The following ELOVL7 variants were observed in gnomAD, a reference collection of about 807,000 sequenced individuals.
The protein encoded by ELOVL7 is ELOVL fatty acid elongase 7.
Under a neutral mutation model 35.7 loss-of-function variants are expected in ELOVL7, and 27 were observed. The observed-to-expected ratio is 0.76, with a 90% CI of 0.56 to 1.04. The LOEUF (loss-of-function observed/expected upper bound fraction) is 1.04, where lower values mean the gene tolerates loss of function less well. Among genes scored for constraint, ELOVL7 ranks in the 50% least tolerant of loss-of-function variants. The pLI is 0.00. For synonymous variants in ELOVL7, 113 were observed against 114.6 expected, an observed-to-expected ratio of 0.99 and a Z score of 0.09; for missense variants, 327 against 340.8, an observed-to-expected ratio of 0.96 and a Z score of 0.32.
chr5:60,823,540 C>A (rs970012074), intron 1 of ELOVL7, among the ~76,000 whole-genome samples: 1 of 152,098 alleles, frequency 6.6e-6, no homozygotes. Flanking sequence ...TAAATGGGGA[C>A]TAAAAATTAA....
At chr5:60,843,576 C>T (rs1747314433) in intron 1 of ELOVL7, 1 of 152,022 alleles carries the variant, frequency 6.6e-6, no homozygotes, top group Admixed American at 6.6e-5. Context: ...TTCATCTGGC[C>T]GCGGGAGCAA....
At chr5:60,771,594 T>C (rs1207636263) in intron 4 of ELOVL7, among the ~76,000 whole-genome samples, 1 of 152,246 alleles carries the variant, frequency 6.6e-6, no homozygotes, top group African/African-American at 2.4e-5. Flanking sequence ...CCAGCTATGT[T>C]ACTTTAAGAG....
chr5:60,780,998 T>C (rs893228581), intron 3 of ELOVL7, among the ~76,000 whole-genome samples: 2 of 152,058 alleles, frequency 1.3e-5, no homozygotes, highest in Non-Finnish European at 2.9e-5. Flanking sequence ...TCGCTTGAGG[T>C]CAGGAGTTTG....
intron 1 of ELOVL7, among the ~76,000 whole-genome samples, chr5:60,818,096 T>A (rs1745635740): frequency 6.6e-6 from 1 of 151,658 alleles, no homozygotes; most frequent in South Asian, 2.1e-4. Flanking sequence ...GGCAGGTGGA[T>A]CACTTGAGGT....
intron 2 of ELOVL7, among the ~76,000 whole-genome samples, chr5:60,798,842 C>T (rs779459861): frequency 2.0e-5 from 3 of 152,106 alleles, no homozygotes; most frequent in African/African-American, 7.2e-5. Context: ...TTGAAGTACG[C>T]GTTAGACTAA....
intron 7 of ELOVL7, among the ~76,000 whole-genome samples, chr5:60,761,190 C>T (rs193026017): frequency 8.3e-4 from 126 of 152,242 alleles, no homozygotes; most frequent in African/African-American, 2.5e-3. Flanking sequence ...AGTACCATCA[C>T]ATTTTACTCC....
intron 1 of ELOVL7, among the ~76,000 whole-genome samples, chr5:60,805,341 A>T (rs1744861617): frequency 6.6e-6 from 1 of 152,232 alleles, no homozygotes; most frequent in Admixed American, 6.5e-5. Context: ...TGTTACTACA[A>T]CTTGGTAACA....
chr5:60,825,732 C>G (rs545112921), intron 1 of ELOVL7, among the ~76,000 whole-genome samples: 23 of 152,266 alleles, frequency 1.5e-4, no homozygotes, highest in African/African-American at 5.3e-4. Context: ...AGAACTGGAA[C>G]ACAATGGAAC....
At chr5:60,808,924 G>A (rs977042747) in intron 1 of ELOVL7, among the ~76,000 whole-genome samples, 9 of 152,206 alleles carry the variant, frequency 5.9e-5, no homozygotes, top group African/African-American at 2.2e-4. Context: ...AAACTATAAA[G>A]TTGGAGAACA....
intron 3 of ELOVL7, among the ~76,000 whole-genome samples, chr5:60,782,806 G>A (rs1743342078): frequency 6.6e-6 from 1 of 152,174 alleles, no homozygotes; most frequent in Non-Finnish European, 1.5e-5. Flanking sequence ...TGGGGAAATA[G>A]GGAGATGTTG....
chr5:60,795,873 C>T (rs1316153430), intron 2 of ELOVL7, among the ~76,000 whole-genome samples: 2 of 152,160 alleles, frequency 1.3e-5, no homozygotes, highest in South Asian at 4.1e-4. Flanking sequence ...CCGCATGGCC[C>T]AAGGTTCCAT....
chr5:60,801,139 G>A (rs1220258460), intron 1 of ELOVL7, among the ~76,000 whole-genome samples: 1 of 151,878 alleles, frequency 6.6e-6, no homozygotes, highest in Admixed American at 6.6e-5. Flanking sequence ...TGTTGCCCGG[G>A]CTGGTCTCAA....
At chr5:60,790,369 T>C (rs1303021904) in intron 2 of ELOVL7, among the ~76,000 whole-genome samples, 1 of 152,212 alleles carries the variant, frequency 6.6e-6, no homozygotes, top group African/African-American at 2.4e-5. Flanking sequence ...TTTACCTATC[T>C]AAAAATAAAG....
At chr5:60,756,638 A>G (rs1367737952) in intron 8 of ELOVL7, among the ~76,000 whole-genome samples, 1 of 152,194 alleles carries the variant, frequency 6.6e-6, no homozygotes, top group Non-Finnish European at 1.5e-5. Context: ...CCATTAAAAT[A>G]TCAACCTCTC....
At chr5:60,767,754 G>T (rs902911649) in intron 5 of ELOVL7, 69 bp downstream of exon 5, 6 of 1,113,024 alleles carry the variant, frequency 5.4e-6, no homozygotes, top group Non-Finnish European at 8.3e-6. Flanking sequence ...TTTACGTTCA[G>T]TGTTACAAAC....
chr5:60,829,925 G>A (rs996124859), intron 1 of ELOVL7, among the ~76,000 whole-genome samples: 1 of 152,156 alleles, frequency 6.6e-6, no homozygotes, highest in African/African-American at 2.4e-5. Flanking sequence ...GAGAGAAAAA[G>A]TTTATTCTAC....
chr5:60,756,718 T>A (rs1741559420), intron 8 of ELOVL7, among the ~76,000 whole-genome samples: 1 of 152,150 alleles, frequency 6.6e-6, no homozygotes, highest in African/African-American at 2.4e-5. Flanking sequence ...AATAAAAAAT[T>A]AATCTTCACC....
chr5:60,766,050 T>C (rs375783626), intron 6 of ELOVL7, among the ~76,000 whole-genome samples: 1 of 152,120 alleles, frequency 6.6e-6, no homozygotes, highest in African/African-American at 2.4e-5. Flanking sequence ...GGATCTGAAG[T>C]AGGAAGAGAT....
At chr5:60,769,769 G>A (rs1742462576) in intron 4 of ELOVL7, among the ~76,000 whole-genome samples, 1 of 152,146 alleles carries the variant, frequency 6.6e-6, no homozygotes, top group African/African-American at 2.4e-5. Context: ...GAAAAATTAG[G>A]CCAGGCCCAG....
Sources: allele counts gnomAD v4.1 joint callset (sites outside exome capture counted in the v4.1 genomes callset), GRCh38; gene constraint gnomAD v4.1.1; transcripts MANE v1.5; gene names NCBI Gene and HGNC (gene_info 2026-07-23, HGNC 2026-07-21).